Variants in RBM47 observed in about 807,000 individuals in gnomAD.
The protein encoded by RBM47 is RNA-binding protein 47.
RBM47 carries 21 observed loss-of-function variants against 47.1 expected under a neutral mutation model. The observed-to-expected ratio is 0.45, with a 90% CI of 0.32 to 0.64. The LOEUF (loss-of-function observed/expected upper bound fraction) is 0.64, where lower values mean the gene tolerates loss of function less well. Among genes scored for constraint, RBM47 ranks in the 30% least tolerant of loss-of-function variants. The pLI, the probability that RBM47 is intolerant of heterozygous loss-of-function variation, is 0.05. For missense variants in RBM47, 708 were observed against 870.9 expected (o/e 0.81, Z 2.35); for synonymous variants, 375 against 361.7 (o/e 1.04, Z -0.42).
chr4:40,548,909 G>A (rs767325989), intron 1 of RBM47, among the ~76,000 whole-genome samples: 19 of 151,938 alleles, frequency 1.3e-4, no homozygotes, highest in Non-Finnish European at 2.2e-4. Flanking sequence ...CAAGTGATCC[G>A]CCCAACTTGG....
At chr4:40,428,623 T>G (rs745567259) in intron 6 of RBM47, among the ~76,000 whole-genome samples, 1 of 152,164 alleles carries the variant, frequency 6.6e-6, no homozygotes, top group Non-Finnish European at 1.5e-5. Flanking sequence ...GAGAGACCTT[T>G]CCATGTGCTA....
intron 2 of RBM47, among the ~76,000 whole-genome samples, chr4:40,507,967 G>A (rs1268595076): frequency 6.6e-6 from 1 of 152,064 alleles, no homozygotes; most frequent in African/African-American, 2.4e-5. Flanking sequence ...TTGGGAGGCT[G>A]AGGCAGGAGA....
At position 40,502,866 on chromosome 4, in the gene RBM47, G is replaced by A. The variant is rs28582968; in HGVS notation, c.-154-36167C>T. Among the ~76,000 whole-genome samples, 1,127 of 151,904 alleles carry A rather than the reference G, an allele frequency of 7.4e-3. 12 individuals are homozygous for A. The highest frequency in any genetic ancestry group is 0.025 in the African/African-American group (1,021 of 41,480). On this transcript the variant is annotated intron_variant, in intron 2 of 6. Coordinates refer to ENST00000295971, the MANE Select transcript of RBM47 (RefSeq NM_001098634.2). ...TGTCCGAAAAAAAAGACGGCTGGGCGTGGTGGCTCATGCCTACGATCCCAG... is the reference window on the plus strand; with the variant it reads ...TGTCCGAAAAAAAAGACGGCTGGGCATGGTGGCTCATGCCTACGATCCCAG...
Position 40,438,806 on chromosome 4 carries a change from G to C in RBM47, c.88C>G (p.Pro30Ala). The change falls in exon 4 of 7, where the codon CCC becomes GCC. Residue 30 changes from proline (P) to alanine (A), a missense_variant. Pro to Ala is a conservative substitution (Grantham distance 27). Transcript: ENST00000295971. ...AKVPEGVAGAPNEAALLALME... is the reference protein window; with the variant it reads ...AKVPEGVAGAANEAALLALME... ...AGCGCCAGCAGTGCTGCCTCGTTGG[G>C]CGCGCCCGCCACGCCCTCGGGCACC... 1 of 1,546,238 alleles carries C rather than the reference G, an allele frequency of 6.5e-7. No homozygotes were observed. The highest frequency in any genetic ancestry group is 1.4e-5 in the African/African-American group (1 of 73,812).
At chr4:40,541,744 A>AG (rs1728566662) in intron 2 of RBM47, among the ~76,000 whole-genome samples, 1 of 152,198 alleles carries the variant, frequency 6.6e-6, no homozygotes, top group African/African-American at 2.4e-5. Flanking sequence ...GTCTCAAAAA[A>AG]AAAAAGAAAA....
intron 1 of RBM47, among the ~76,000 whole-genome samples, chr4:40,621,665 A>G (rs1035692047): frequency 6.6e-6 from 1 of 152,258 alleles, no homozygotes; most frequent in Admixed American, 6.5e-5. Flanking sequence ...GACAGTAGAA[A>G]AGGTGATAAA....
At chr4:40,432,916 G>A in intron 5 of RBM47, 54 bp from the exon 6 acceptor site, 1 of 1,599,954 alleles carries the variant, frequency 6.3e-7, no homozygotes, top group Non-Finnish European at 8.5e-7. Context: ...TCGCTGAGTG[G>A]GGTCCAGCAC....
chr4:40,508,292 T>C (rs1234251710), intron 2 of RBM47, among the ~76,000 whole-genome samples: 2 of 152,190 alleles, frequency 1.3e-5, no homozygotes, highest in East Asian at 1.9e-4. Context: ...GGGTAATTAC[T>C]GCAGTTAAAC....
chr4:40,463,050 G>C (rs1717408378), intron 3 of RBM47, among the ~76,000 whole-genome samples: 1 of 152,128 alleles, frequency 6.6e-6, no homozygotes, highest in African/African-American at 2.4e-5. Context: ...AATCATGTCT[G>C]ATAAGGAATT....
At chr4:40,566,607 T>C (rs1973225) in intron 1 of RBM47, among the ~76,000 whole-genome samples, 20,378 of 151,954 alleles carry the variant, frequency 0.13, 2,984 homozygotes, top group African/African-American at 0.37. Context: ...ATAGCGCCAC[T>C]ACACTCCACG....
intron 1 of RBM47, among the ~76,000 whole-genome samples, chr4:40,564,029 G>C (rs1730869756): frequency 6.6e-6 from 1 of 152,128 alleles, no homozygotes; most frequent in South Asian, 2.1e-4. Flanking sequence ...GGGCAACATA[G>C]CAAGACACTA....
chr4:40,447,953 G>A (rs1181651421), intron 3 of RBM47, among the ~76,000 whole-genome samples: 1 of 152,214 alleles, frequency 6.6e-6, no homozygotes, highest in East Asian at 1.9e-4. Flanking sequence ...GGAGCTTGCA[G>A]TGAGCCGAGA....
intron 1 of RBM47, among the ~76,000 whole-genome samples, chr4:40,554,653 T>A (rs899358303): frequency 6.6e-6 from 1 of 152,186 alleles, no homozygotes; most frequent in African/African-American, 2.4e-5. Context: ...CAGCATTCTT[T>A]CTGATTGCTC....
Position 40,572,751 on chromosome 4 carries a change from A to G in RBM47, c.-239-28245T>C, listed in dbSNP as rs192817719. Among the ~76,000 whole-genome samples, 99 of 152,016 alleles carry G rather than the reference A, an allele frequency of 6.5e-4. 1 individual carries two copies. Among genetic ancestry groups the G allele is most frequent in the African/African-American group, 2.3e-3 (94 of 41,510 alleles). On this transcript the variant is annotated intron_variant, in intron 1 of 6. Transcript: ENST00000295971. Reference sequence around the variant, plus strand: ...TAAATTTAAATAATAAAAATTTTAAAAAATAATAATAATGAAAAAGTCTTC... The same window carrying G: ...TAAATTTAAATAATAAAAATTTTAAGAAATAATAATAATGAAAAAGTCTTC...
intron 2 of RBM47, among the ~76,000 whole-genome samples, chr4:40,467,215 G>T (rs1461112023): frequency 6.6e-6 from 1 of 152,024 alleles, no homozygotes; most frequent in Non-Finnish European, 1.5e-5. Flanking sequence ...ATTGAAGCAA[G>T]TACTCCAGCT....
At chr4:40,464,527 T>C (rs1298239787) in intron 3 of RBM47, among the ~76,000 whole-genome samples, 1 of 151,966 alleles carries the variant, frequency 6.6e-6, no homozygotes, top group African/African-American at 2.4e-5. Flanking sequence ...ATGCCTCTAT[T>C]TTGGGAATAC....
At chr4:40,535,546 AT>A (rs11290276) in intron 2 of RBM47, among the ~76,000 whole-genome samples, 4,897 of 126,870 alleles carry the variant, frequency 0.039, 102 homozygotes, top group Non-Finnish European at 0.052. Context: ...TAATTTTTGT[AT>A]TTTTTTTTTT....
At chr4:40,546,529 G>T (rs549978634) in intron 1 of RBM47, among the ~76,000 whole-genome samples, 1 of 151,906 alleles carries the variant, frequency 6.6e-6, no homozygotes, top group Admixed American at 6.6e-5. Context: ...TCATTCCTGC[G>T]ATCCCCTCCA....
intron 1 of RBM47, among the ~76,000 whole-genome samples, chr4:40,571,194 TGAGA>T (rs1379922508): frequency 3.3e-5 from 5 of 151,608 alleles, no homozygotes; most frequent in Non-Finnish European, 7.4e-5. Flanking sequence ...CCAGCCTGAG[TGAGA>T]GAGTGAGACT....
Sources: allele counts gnomAD v4.1 joint callset (sites outside exome capture counted in the v4.1 genomes callset), GRCh38; gene constraint gnomAD v4.1.1; transcripts MANE v1.5; gene names NCBI Gene and HGNC (gene_info 2026-07-23, HGNC 2026-07-21).